UNC119: variants seen among roughly 807,000 people sequenced by gnomAD.
The protein encoded by UNC119 is unc-119 lipid binding chaperone.
Under a neutral mutation model 22.6 loss-of-function variants are expected in UNC119, and 15 were observed. That is an observed-to-expected ratio of 0.66 (90% CI 0.44 to 1.02). The LOEUF (loss-of-function observed/expected upper bound fraction) is 1.02. UNC119 is among the 50% of genes least tolerant of loss of function. The pLI, the probability that UNC119 is intolerant of heterozygous loss-of-function variation, is 0.00. For missense variants in UNC119, 322 were observed against 336.0 expected (o/e 0.96, Z 0.33); for synonymous variants, 138 against 139.4 (o/e 0.99, Z 0.07).
At chr17:28,548,175 TC>T in intron 2 of UNC119, 74 bp from the exon 3 acceptor site, 1 of 1,436,750 alleles carries the variant, frequency 7.0e-7, no homozygotes. Context: ...TACCCTTGGG[TC>T]CCCATCTATC....
intron 1 of UNC119, 154 bp downstream of exon 1, chr17:28,552,184 C>T (rs1309556304): frequency 1.4e-6 from 1 of 703,192 alleles, no homozygotes; most frequent in South Asian, 1.7e-5. Flanking sequence ...TCAGACCTGG[C>T]GGCAGAAGGG....
Position 28,548,678 on chromosome 17 carries a change from A to C in UNC119, c.248T>G (p.Ile83Ser). 3 of 1,614,154 alleles carry C rather than the reference A, an allele frequency of 1.9e-6. No individual in the cohort carries two copies. Among genetic ancestry groups the C allele is most frequent in the Non-Finnish European group, 2.5e-6 (3 of 1,180,004 alleles). The change falls in exon 2 of 5, where the codon ATC becomes AGC. Residue 83 changes from isoleucine (I) to serine (S), a missense_variant. Transcript: ENST00000335765. Reference sequence around the variant, plus strand: ...AAACCTGACAAAGTCGATCTTGTAGATATTCTCCTCAGGGGAGCAGAGGTA... The same window carrying C: ...AAACCTGACAAAGTCGATCTTGTAGCTATTCTCCTCAGGGGAGCAGAGGTA... ...GDYLCSPEEN[I>S]YKIDFVRFKI...
At position 28,548,062 on chromosome 17, in the gene UNC119, G is replaced by A; in HGVS notation, c.374C>T (p.Ala125Val). 8.1e-6 allele frequency: 13 copies of A among 1,613,854 alleles called. No individual in the cohort carries two copies. The highest frequency in any genetic ancestry group is 1.1e-5 in the Non-Finnish European group (13 of 1,180,024). Residue 125 changes from alanine to valine, a missense_variant, in exon 3 of 5, where the codon GCT (alanine) becomes GTT (valine). Physicochemically the swap from Ala to Val is moderately conservative, Grantham distance 64 (BLOSUM62 0). Transcript: ENST00000335765. Reference protein sequence around the residue: ...PINRRDLDPNAGRFVRYQFTP... With the variant: ...PINRRDLDPNVGRFVRYQFTP... Reference sequence around the variant, plus strand: ...GAACTGGTAGCGGACAAAGCGCCCAGCATTGGGGTCCAGGTCCCGCCGGTT... The same window carrying A: ...GAACTGGTAGCGGACAAAGCGCCCAACATTGGGGTCCAGGTCCCGCCGGTT...
At chr17:28,549,879 G>A (rs2070252541) in intron 1 of UNC119, 1 of 152,212 alleles carries the variant, frequency 6.6e-6, no homozygotes, top group Non-Finnish European at 1.5e-5. Flanking sequence ...CGTGCTGTCA[G>A]CCTGCACAGC....
chr17:28,547,888 A>G, intron 3 of UNC119, 39 bp from the exon 4 acceptor site: 1 of 1,613,028 alleles, frequency 6.2e-7, no homozygotes, highest in Non-Finnish European at 8.5e-7. Context: ...TCTGTCCTTG[A>G]AGTCAACTAG....
chr17:28,551,894 A>G (rs2070274594), intron 1 of UNC119: 4 of 315,554 alleles, frequency 1.3e-5, no homozygotes, highest in Non-Finnish European at 6.6e-6. Flanking sequence ...TTGGGGAGAC[A>G]TGAAGAGTCT....
rs1194793332 is a variant in UNC119 at position 28,548,722 on chromosome 17, G to A, written c.221-17C>T. On this transcript the variant is annotated splice_polypyrimidine_tract_variant and intron_variant, in intron 1 of 4. Transcript: ENST00000335765. ...AGAGGTAGTCTAGGGGAAACAGGCA[G>A]CTGAGCAAGGAAGGGGCCGCAAAGC... 4 of 1,606,588 alleles carry A rather than the reference G, an allele frequency of 2.5e-6. No individual in the cohort carries two copies. Among genetic ancestry groups the A allele is most frequent in the African/African-American group, 1.3e-5 (1 of 74,926 alleles).
At chr17:28,548,246 CAAA>C (rs2070233338) in intron 2 of UNC119, 145 bp from the exon 3 acceptor site, 1 of 766,946 alleles carries the variant, frequency 1.3e-6, no homozygotes, top group Non-Finnish European at 2.1e-6. Flanking sequence ...GACCATTGGC[CAAA>C]TAGTGCCACC....
At position 28,546,918 on chromosome 17, in the gene UNC119, C is replaced by T; in HGVS notation, c.*379G>A. 2 of 329,382 alleles carry T rather than the reference C, an allele frequency of 6.1e-6. No homozygotes were observed. Among genetic ancestry groups the T allele is most frequent in the East Asian group, 1.5e-4 (2 of 13,040 alleles). The allele number at this position is 329,382 out of a possible 1,614,324, so 20.4% of individuals were successfully genotyped here. ...TTTGTAAATTTACAACTCTAAATGG[C>T]CTGAAGGTAGTGGGCAGGGGACAGG... On this transcript the variant is annotated 3_prime_UTR_variant, in exon 5 of 5. Coordinates refer to ENST00000335765, the MANE Select transcript of UNC119 (RefSeq NM_005148.4).
At position 28,552,505 on chromosome 17, in the gene UNC119, G is replaced by A. The variant is rs1213022558; in HGVS notation, c.53C>T (p.Pro18Leu). The A allele has an allele frequency of 7.0e-6, 11 of 1,564,558 alleles. No individual in the cohort carries two copies. The highest frequency in any genetic ancestry group is 3.4e-6 in the Non-Finnish European group (4 of 1,165,480). ...GGAGTATESAPGPSGQSVAPI... is the reference protein window; with the variant it reads ...GGAGTATESALGPSGQSVAPI... ...GGCCACGCTCTGGCCCGAGGGCCCC[G>A]GAGCGGACTCCGTCGCCGTCCCGGC... Residue 18 changes from proline to leucine, a missense_variant, in exon 1 of 5, where the codon CCG becomes CTG. By Grantham distance (98) the Pro-to-Leu change is moderately conservative. Transcript: ENST00000335765.
rs375147970 is a variant in UNC119, at chr17:28,547,394, C to T, written c.626G>A (p.Arg209His). 72 of 1,614,040 alleles carry T rather than the reference C, an allele frequency of 4.5e-5. No homozygotes were observed. Among genetic ancestry groups the T allele is most frequent in the African/African-American group, 1.3e-4 (10 of 74,916 alleles). The change falls in exon 5 of 5, where the codon CGC becomes CAC. Residue 209 changes from arginine to histidine, a missense_variant. Transcript: ENST00000335765. ...LSEELISEMI[R>H]HPYETQSDSF... ...GTCAGACTGGGTCTCATACGGGTGGCGGATCATCTCGCTGACTGCAAGAGA... is the reference window on the plus strand; with the variant it reads ...GTCAGACTGGGTCTCATACGGGTGGTGGATCATCTCGCTGACTGCAAGAGA...
chr17:28,547,884 C>T (rs1171915348), intron 3 of UNC119, 35 bp from the exon 4 acceptor site: 19 of 1,612,996 alleles, frequency 1.2e-5, no homozygotes, highest in Non-Finnish European at 1.4e-5. Flanking sequence ...TAAGTCTGTC[C>T]TTGAAGTCAA....
At chr17:28,550,868 C>T (rs1427622860) in intron 1 of UNC119, 1 of 152,216 alleles carries the variant, frequency 6.6e-6, no homozygotes, top group African/African-American at 2.4e-5. Flanking sequence ...AATAAACCCC[C>T]AAAGTTACTC....
intron 2 of UNC119, 56 bp downstream of exon 2, chr17:28,548,536 G>T: frequency 6.9e-7 from 1 of 1,458,372 alleles, no homozygotes; most frequent in Non-Finnish European, 9.6e-7. Flanking sequence ...TCCCTGGGCA[G>T]CCCACTCCGC....
In UNC119 at chr17:28,547,195, G is replaced by GAA; in HGVS notation, c.*100_*101dup. 7.1e-7 allele frequency: 1 copy of GAA among 1,415,480 alleles called. No individual in the cohort carries two copies. Among genetic ancestry groups the GAA allele is most frequent in the Non-Finnish European group, 9.8e-7 (1 of 1,021,120 alleles). The allele number at this position is 1,415,480 out of a possible 1,614,324, so 87.7% of individuals were successfully genotyped here. ...TGACTCAGGGTCCGGAGCTCCTGGA[G>GAA]AACTCCCCAAGCAGAGGACTTGGGG... is the stretch of plus-strand genomic sequence containing the variant. On this transcript the variant is annotated 3_prime_UTR_variant, in exon 5 of 5. Transcript: ENST00000335765.
chr17:28,547,849 C>G lies in UNC119; in HGVS notation c.438G>C (p.Thr146=). The part of the protein sequence containing the change: ...AFLRLRQVGA[T]VEFTVGDKPV... Reference sequence around the variant, plus strand: ...GCTTGTCTCCCACTGTGAACTCCACCCTGAGCAAGAAAAGGAGGCAGGGCT... The same window carrying G: ...GCTTGTCTCCCACTGTGAACTCCACGCTGAGCAAGAAAAGGAGGCAGGGCT... The change falls in exon 4 of 5, where the codon ACG becomes ACC. Residue 146 remains threonine (T), a splice_region_variant and synonymous_variant. Transcript: ENST00000335765. 21 of 1,614,068 alleles carry G rather than the reference C, an allele frequency of 1.3e-5. No individual in the cohort carries two copies. Among genetic ancestry groups the G allele is most frequent in the Non-Finnish European group, 1.8e-5 (21 of 1,179,966 alleles).
At chr17:28,548,769 T>C in intron 1 of UNC119, 64 bp from the exon 2 acceptor site, 5 of 1,325,660 alleles carry the variant, frequency 3.8e-6, no homozygotes, top group Non-Finnish European at 5.4e-6. Flanking sequence ...GGTCAGCTTG[T>C]GTGGGACCCC....
At chr17:28,547,647 C>T (rs773884232) in intron 4 of UNC119, 30 bp downstream of exon 4, 2 of 1,614,186 alleles carry the variant, frequency 1.2e-6, no homozygotes, top group Non-Finnish European at 1.7e-6. Context: ...GCCCCCACTT[C>T]CCCACTCCCA....
intron 1 of UNC119, chr17:28,548,947 G>T: frequency 2.1e-6 from 1 of 483,832 alleles, no homozygotes; most frequent in East Asian, 3.8e-5. Context: ...GCCAGGGAAG[G>T]GCAGGGCAGA....
Sources: allele counts gnomAD v4.1 joint callset, GRCh38; gene constraint gnomAD v4.1.1; transcripts MANE v1.5; gene names NCBI Gene and HGNC (gene_info 2026-07-23, HGNC 2026-07-21).